TTLL5: variants seen among roughly 807,000 people sequenced by gnomAD.
The protein encoded by TTLL5 is tubulin tyrosine ligase like 5.
In TTLL5, 132 loss-of-function variants were observed where a neutral mutation model predicts 168.4. The observed-to-expected ratio is 0.78, with a 90% CI of 0.68 to 0.91. The LOEUF (loss-of-function observed/expected upper bound fraction) is 0.91, where lower values mean the gene tolerates loss of function less well. TTLL5 is among the 40% of genes least tolerant of loss of function. TTLL5 has a pLI of 0.00. For missense variants in TTLL5, 1,545 were observed against 1,581.5 expected (o/e 0.98, Z 0.39); for synonymous variants, 546 against 558.6 (o/e 0.98, Z 0.32).
At chr14:75,733,883 C>A in intron 13 of TTLL5, 106 bp from the exon 14 acceptor site, 4 of 1,058,252 alleles carry the variant, frequency 3.8e-6, no homozygotes, top group African/African-American at 1.6e-5. Context: ...ATGTGTTGCT[C>A]TTCATTGACA....
At chr14:75,805,810 T>C (rs1484213656) in intron 27 of TTLL5, among the ~76,000 whole-genome samples, 3 of 152,192 alleles carry the variant, frequency 2.0e-5, no homozygotes, top group Non-Finnish European at 1.5e-5. Flanking sequence ...AATGGAGCCA[T>C]TGGTTTATCA....
chr14:75,730,272 A>T (rs996750763), intron 12 of TTLL5, among the ~76,000 whole-genome samples: 2 of 152,202 alleles, frequency 1.3e-5, no homozygotes, highest in African/African-American at 2.4e-5. Context: ...TTCTCAGGTT[A>T]AAGGGGCAAT....
At chr14:75,732,107 T>G (rs565042295) in intron 12 of TTLL5, 147 of 407,500 alleles carry the variant, frequency 3.6e-4, no homozygotes, top group Admixed American at 7.7e-4. Context: ...CAATAGACAC[T>G]GCATGATAAA....
At chr14:75,859,741 A>G (rs1172795007) in intron 28 of TTLL5, among the ~76,000 whole-genome samples, 1 of 152,214 alleles carries the variant, frequency 6.6e-6, no homozygotes, top group African/African-American at 2.4e-5. Flanking sequence ...AATAGAAAGT[A>G]TGAGATGCCT....
chr14:75,732,256 T>G lies in TTLL5; in HGVS notation c.1043-82T>G, dbSNP rs896274238. 4.9e-6 allele frequency: 6 copies of G among 1,220,736 alleles called. No homozygotes were observed. In the African/African-American group the frequency reaches 7.7e-5, roughly 16 times the overall value. 75.6% of individuals were successfully genotyped at this position (1,220,736 alleles called of 1,614,324 possible). ...TCAGTGAGTTTCTAGGCCTGGGAGT[T>G]AATGAGATTGAGTCTTCTAGATCTT... is the stretch of plus-strand genomic sequence containing the variant. On this transcript the variant is annotated intron_variant, in intron 12 of 31. Coordinates refer to ENST00000298832, the MANE Select transcript of TTLL5 (RefSeq NM_015072.5).
intron 28 of TTLL5, among the ~76,000 whole-genome samples, chr14:75,826,329 A>G (rs1381785673): frequency 6.6e-6 from 1 of 151,352 alleles, no homozygotes; most frequent in African/African-American, 2.4e-5. Flanking sequence ...ACACACACAC[A>G]CACGAGTCTT....
intron 31 of TTLL5, among the ~76,000 whole-genome samples, chr14:75,943,838 T>C (rs1045999655): frequency 4.6e-5 from 7 of 152,186 alleles, no homozygotes; most frequent in African/African-American, 1.7e-4. Context: ...AGATTAAAAT[T>C]ATGACCAAGC....
rs1892808918 is a variant in TTLL5 at position 75,792,978 on chromosome 14, G to A, written c.3049G>A (p.Ala1017Thr). ...CAAAACACAAAAAGAGGGAGAAGATGCTTCTTTATATAGCAAACGGTACAA... is the reference window on the plus strand; with the variant it reads ...CAAAACACAAAAAGAGGGAGAAGATACTTCTTTATATAGCAAACGGTACAA... ...IAKTQKEGED[A>T]SLYSKRYNQS... is the part of the protein sequence containing the mutation. The change falls in exon 27 of 32, where the codon GCT becomes ACT. Residue 1017 changes from alanine to threonine, a missense_variant. By Grantham distance (58) the Ala-to-Thr change is moderately conservative. Transcript: ENST00000298832. 3 of 1,613,256 alleles carry A rather than the reference G, an allele frequency of 1.9e-6. No individual in the cohort carries two copies. The highest frequency in any genetic ancestry group is 8.5e-7 in the Non-Finnish European group (1 of 1,179,450).
At chr14:75,919,130 G>A (rs2033725779) in intron 31 of TTLL5, among the ~76,000 whole-genome samples, 1 of 130,196 alleles carries the variant, frequency 7.7e-6, no homozygotes, top group Admixed American at 9.7e-5. Flanking sequence ...CAACCAGGGA[G>A]TCAGAGGTTG....
intron 6 of TTLL5, among the ~76,000 whole-genome samples, chr14:75,693,986 T>A (rs1013897257): frequency 1.3e-5 from 2 of 152,226 alleles, no homozygotes; most frequent in Non-Finnish European, 2.9e-5. Context: ...TCTAGAGTCA[T>A]ATACTTGAAA....
chr14:75,942,174 C>T (rs1344111805), intron 31 of TTLL5, among the ~76,000 whole-genome samples: 1 of 99,488 alleles, frequency 1.0e-5, no homozygotes, highest in Non-Finnish European at 2.0e-5. Context: ...CAGAGCAAGA[C>T]TCTGTCTCAA....
At chr14:75,762,107 TGTTG>T (rs1396413270) in intron 18 of TTLL5, among the ~76,000 whole-genome samples, 2 of 151,668 alleles carry the variant, frequency 1.3e-5, no homozygotes, top group African/African-American at 4.8e-5. Flanking sequence ...AAAAAAAAAA[TGTTG>T]GGGGCTGGGC....
chr14:75,779,488 A>G lies in TTLL5; in HGVS notation c.2388-87A>G. The G allele has an allele frequency of 2.6e-6, 4 of 1,560,874 alleles. No homozygotes were observed. In the Admixed American group the frequency reaches 8.5e-5, roughly 33 times the overall value. Reference sequence around the variant, plus strand: ...TGTGCTTTTCATTTTTCCCTTTTCCAGCTTGCTCTGTTTTCATAATAAAAT... The same window carrying G: ...TGTGCTTTTCATTTTTCCCTTTTCCGGCTTGCTCTGTTTTCATAATAAAAT... On this transcript the variant is annotated intron_variant, in intron 23 of 31. Transcript: ENST00000298832.
chr14:75,757,217 A>G (rs566701408), intron 18 of TTLL5, among the ~76,000 whole-genome samples: 1 of 152,210 alleles, frequency 6.6e-6, no homozygotes, highest in African/African-American at 2.4e-5. Context: ...AGCTCAGGCA[A>G]TCCCCCTGCT....
chr14:75,913,052 C>G (rs1483705784), intron 31 of TTLL5, among the ~76,000 whole-genome samples: 2 of 152,198 alleles, frequency 1.3e-5, no homozygotes, highest in Non-Finnish European at 2.9e-5. Flanking sequence ...TTGATAAGAA[C>G]TAGTTGTGCT....
chr14:75,772,922 C>T (rs763079144), intron 21 of TTLL5, among the ~76,000 whole-genome samples: 34 of 152,130 alleles, frequency 2.2e-4, no homozygotes, highest in Non-Finnish European at 3.2e-4. Context: ...CCTCCTTGGC[C>T]TCCCAAAGTG....
intron 31 of TTLL5, among the ~76,000 whole-genome samples, chr14:75,921,183 C>G (rs1322116316): frequency 6.6e-6 from 1 of 152,294 alleles, no homozygotes; most frequent in East Asian, 1.9e-4. Flanking sequence ...GTTGCCTGTT[C>G]ACTCTGATGA....
chr14:75,906,166 T>C (rs1405727227), intron 31 of TTLL5, among the ~76,000 whole-genome samples: 1 of 152,236 alleles, frequency 6.6e-6, no homozygotes, highest in Non-Finnish European at 1.5e-5. Context: ...CCTAAGGATC[T>C]AGATGTCACT....
At position 75,785,538 on chromosome 14, in the gene TTLL5, T is replaced by C. The variant is rs77969345; in HGVS notation, c.2986+2008T>C. ...AGGTCTTTTGTCCATTTTCAGTTAA[T>C]TGTCCTGCATGGTATGATGTAGGGG... On this transcript the variant is annotated intron_variant, in intron 26 of 31. Transcript: ENST00000298832. 9.5e-3 allele frequency among the ~76,000 whole-genome samples: 1,443 copies of C among 152,284 alleles called. 26 individuals carry two copies. The highest frequency in any genetic ancestry group is 0.033 in the African/African-American group (1,375 of 41,556).
Sources: gnomAD v4.1 joint callset for allele counts (sites outside exome capture counted in the v4.1 genomes callset) on GRCh38, gnomAD v4.1.1 for gene constraint, MANE v1.5 for transcripts, NCBI Gene and HGNC (gene_info 2026-07-23, HGNC 2026-07-21) for gene names.